PCDH15: variants seen among roughly 807,000 people sequenced by gnomAD.
PCDH15 encodes the protein protocadherin related 15, also known as protocadherin-15.
A neutral mutation model predicts 178.5 loss-of-function variants in PCDH15; 129 were observed. The observed-to-expected ratio is 0.72, with a 90% CI of 0.63 to 0.84. The LOEUF is 0.84. Ranked by LOEUF, PCDH15 falls within the 40% of genes least tolerant of loss-of-function variation. The pLI is 0.00. For missense variants in PCDH15, 2,230 were observed against 2,099.9 expected (o/e 1.06, Z -1.21); for synonymous variants, 800 against 732.0 (o/e 1.09, Z -1.50).
chr10:55,525,985 A>AT (rs1841293695), intron 2 of PCDH15, among the ~76,000 whole-genome samples: 1 of 151,952 alleles, frequency 6.6e-6, no homozygotes, highest in Non-Finnish European at 1.5e-5. Flanking sequence ...GAGTCATTAG[A>AT]TTGAGAGTTG....
rs1187729387 is a variant in PCDH15, at chr10:54,961,274, T to C, written c.-79-63774A>G. ...CTGACATTCTAGCCCCCTGCCACCA[T>C]GGCACCCTCCAGACTTTGGGTGCTG... On this transcript the variant is annotated intron_variant, in intron 2 of 5. Coordinates refer to the PCDH15 transcript ENST00000458638. Among the ~76,000 whole-genome samples the C allele has an allele frequency of 1.4e-4, 22 of 152,302 alleles. No homozygotes were observed. The East Asian group carries it at 3.9e-3, about 27-fold the overall frequency.
intron 1 of PCDH15, among the ~76,000 whole-genome samples, chr10:54,699,980 T>C (rs2095286786): frequency 6.6e-6 from 1 of 152,098 alleles, no homozygotes; most frequent in Admixed American, 6.6e-5. Context: ...TTACAAATGA[T>C]GCTCAGTAAA....
At chr10:53,953,776 T>TTGTTC (rs1259442236) in intron 23 of PCDH15, among the ~76,000 whole-genome samples, 1 of 152,052 alleles carries the variant, frequency 6.6e-6, no homozygotes, top group African/African-American at 2.4e-5. Flanking sequence ...AGTAATTTTT[T>TTGTTC]TGTTCTGTTT....
intron 2 of PCDH15, among the ~76,000 whole-genome samples, chr10:54,966,401 A>G (rs192282533): frequency 8.7e-4 from 133 of 152,226 alleles, no homozygotes; most frequent in African/African-American, 3.1e-3. Context: ...TTGTTCACTG[A>G]ACATCCTAGA....
chr10:55,081,596 G>A (rs1181334230), intron 2 of PCDH15, among the ~76,000 whole-genome samples: 1 of 152,150 alleles, frequency 6.6e-6, no homozygotes, highest in African/African-American at 2.4e-5. Context: ...CCTCATGAGT[G>A]TTATTAGTGC....
At chr10:54,339,114 G>T (rs74538850) in intron 6 of PCDH15, among the ~76,000 whole-genome samples, 1 of 152,136 alleles carries the variant, frequency 6.6e-6, no homozygotes, top group Non-Finnish European at 1.5e-5. Context: ...GCTACATGGG[G>T]CCCAGGTTGG....
At chr10:53,983,029 A>C (rs970361677) in intron 21 of PCDH15, among the ~76,000 whole-genome samples, 1 of 152,050 alleles carries the variant, frequency 6.6e-6, no homozygotes, top group Non-Finnish European at 1.5e-5. Context: ...ATTATCATTA[A>C]AAACAAATAT....
chr10:55,433,516 G>A (rs1285660535), intron 2 of PCDH15, among the ~76,000 whole-genome samples: 1 of 151,984 alleles, frequency 6.6e-6, no homozygotes, highest in African/African-American at 2.4e-5. Context: ...ACCAAATCCC[G>A]ATGACATGCA....
intron 23 of PCDH15, among the ~76,000 whole-genome samples, chr10:53,951,981 C>A (rs1387014643): frequency 3.3e-5 from 5 of 152,190 alleles, no homozygotes; most frequent in Non-Finnish European, 7.3e-5. Flanking sequence ...TGGTGCACTG[C>A]AAGCAGATTC....
chr10:54,849,031 A>G (rs994067773), intron 3 of PCDH15, among the ~76,000 whole-genome samples: 10 of 147,192 alleles, frequency 6.8e-5, no homozygotes, highest in Non-Finnish European at 1.5e-4. Context: ...TTTGTTATCT[A>G]TAAAATTTAA....
At chr10:55,103,239 A>C (rs1348999111) in intron 2 of PCDH15, among the ~76,000 whole-genome samples, 1 of 152,002 alleles carries the variant, frequency 6.6e-6, no homozygotes, top group African/African-American at 2.4e-5. Context: ...AGTCAAAAGC[A>C]GTGTTGAATA....
intron 18 of PCDH15, among the ~76,000 whole-genome samples, chr10:54,061,499 AT>A (rs895497377): frequency 2.0e-5 from 3 of 151,856 alleles, no homozygotes; most frequent in South Asian, 4.2e-4. Context: ...TTCATATTAC[AT>A]TTTTTTGGCT....
At chr10:54,287,286 C>T (rs919287351) in intron 8 of PCDH15, among the ~76,000 whole-genome samples, 19 of 152,134 alleles carry the variant, frequency 1.2e-4, no homozygotes, top group Non-Finnish European at 2.4e-4. Flanking sequence ...AATAATGAGG[C>T]TTCTCTCTGA....
chr10:54,965,125 G>T (rs1443006575), intron 2 of PCDH15, among the ~76,000 whole-genome samples: 1 of 152,154 alleles, frequency 6.6e-6, no homozygotes, highest in Non-Finnish European at 1.5e-5. Flanking sequence ...CCATTCATGG[G>T]CAAGGAATGA....
chr10:54,770,647 C>T (rs150897233), intron 1 of PCDH15, among the ~76,000 whole-genome samples: 2 of 152,086 alleles, frequency 1.3e-5, no homozygotes, highest in East Asian at 3.9e-4. Context: ...TATACAAAGT[C>T]TTGGTACTTC....
intron 11 of PCDH15, among the ~76,000 whole-genome samples, chr10:54,193,265 G>T (rs2133897624): frequency 6.6e-6 from 1 of 152,312 alleles, no homozygotes; most frequent in East Asian, 1.9e-4. Context: ...ATCCAGACAA[G>T]TACGGGGTCA....
intron 1 of PCDH15, among the ~76,000 whole-genome samples, chr10:54,686,481 C>G (rs138098427): frequency 1.3e-4 from 20 of 152,058 alleles, no homozygotes; most frequent in African/African-American, 4.6e-4. Context: ...TCCATAAAAT[C>G]ATTGCTGAGA....
At chr10:55,007,656 T>C (rs1839964504) in intron 2 of PCDH15, among the ~76,000 whole-genome samples, 1 of 152,186 alleles carries the variant, frequency 6.6e-6, no homozygotes. Context: ...AGTTTGAATG[T>C]TGTTTAAAAA....
intron 1 of PCDH15, among the ~76,000 whole-genome samples, chr10:54,726,525 G>C (rs1942561420): frequency 6.7e-6 from 1 of 150,240 alleles, no homozygotes; most frequent in African/African-American, 2.4e-5. Context: ...GAAAATGCTA[G>C]AGAAAGAGAA....
Sources: gnomAD v4.1 joint callset for allele counts (sites outside exome capture counted in the v4.1 genomes callset) on GRCh38, gnomAD v4.1.1 for gene constraint, MANE v1.5 for transcripts, NCBI Gene and HGNC (gene_info 2026-07-23, HGNC 2026-07-21) for gene names.